Variants in TRAF3 observed in about 807,000 individuals in gnomAD.
TRAF3 encodes the protein TNF receptor associated factor 3.
A neutral mutation model predicts 62.3 loss-of-function variants in TRAF3; 13 were observed. The ratio of observed to expected loss-of-function variants is 0.21; its 90% CI spans 0.14 to 0.33. TRAF3 has a LOEUF of 0.33. Ranked by LOEUF, TRAF3 falls within the 10% of genes least tolerant of loss-of-function variation. The pLI, the probability that TRAF3 is intolerant of heterozygous loss-of-function variation, is 1.00. For synonymous variants in TRAF3, 269 were observed against 283.4 expected, an observed-to-expected ratio of 0.95 and a Z score of 0.51; for missense variants, 440 against 741.8, an observed-to-expected ratio of 0.59 and a Z score of 4.73.
intron 1 of TRAF3, among the ~76,000 whole-genome samples, chr14:102,809,529 C>CTTTTT (rs60882875): frequency 8.7e-6 from 1 of 114,916 alleles, no homozygotes; most frequent in Non-Finnish European, 1.7e-5. Flanking sequence ...ACAGCATAGA[C>CTTTTT]TTTTTTTTTT....
chr14:102,779,800 C>T (rs1897195674), intron 1 of TRAF3, among the ~76,000 whole-genome samples: 1 of 152,244 alleles, frequency 6.6e-6, no homozygotes, highest in African/African-American at 2.4e-5. Flanking sequence ...TTGCCCAACT[C>T]TATTTTCTCA....
At chr14:102,831,618 C>G (rs1457533627) in intron 2 of TRAF3, among the ~76,000 whole-genome samples, 1 of 152,158 alleles carries the variant, frequency 6.6e-6, no homozygotes, top group Non-Finnish European at 1.5e-5. Context: ...TGCCTGCTGC[C>G]CGCTGCCCTT....
chr14:102,858,582 T>C (rs1887512491), intron 2 of TRAF3, among the ~76,000 whole-genome samples: 1 of 152,246 alleles, frequency 6.6e-6, no homozygotes, highest in Non-Finnish European at 1.5e-5. Context: ...CAGTTGTCTG[T>C]GGTTGACAGA....
At chr14:102,838,396 G>GT (rs1886157957) in intron 2 of TRAF3, among the ~76,000 whole-genome samples, 1 of 152,096 alleles carries the variant, frequency 6.6e-6, no homozygotes, top group South Asian at 2.1e-4. Context: ...ATTTCAGGAG[G>GT]TAAGGTCAGT....
intron 1 of TRAF3, among the ~76,000 whole-genome samples, chr14:102,805,476 G>T (rs1211442515): frequency 6.6e-6 from 1 of 152,188 alleles, no homozygotes; most frequent in Non-Finnish European, 1.5e-5. Flanking sequence ...ATTGCAGGAT[G>T]CTGGGAGCCC....
At chr14:102,840,887 C>A (rs1170494745) in intron 2 of TRAF3, among the ~76,000 whole-genome samples, 1 of 152,064 alleles carries the variant, frequency 6.6e-6, no homozygotes, top group East Asian at 1.9e-4. Flanking sequence ...CAAAACAAGC[C>A]CTGCAGTATT....
intron 1 of TRAF3, among the ~76,000 whole-genome samples, chr14:102,819,606 C>G (rs79006901): frequency 1.1e-3 from 172 of 152,362 alleles, no homozygotes; most frequent in African/African-American, 3.5e-3. Context: ...GTGTTACCAT[C>G]TCTGGCCAGT....
chr14:102,794,246 C>T (rs1286762986), intron 1 of TRAF3, among the ~76,000 whole-genome samples: 1 of 152,164 alleles, frequency 6.6e-6, no homozygotes, highest in Non-Finnish European at 1.5e-5. Context: ...ACCATCATAG[C>T]TCACTGCAGC....
chr14:102,890,411 A>G (rs1205240267), intron 8 of TRAF3, among the ~76,000 whole-genome samples: 1 of 152,256 alleles, frequency 6.6e-6, no homozygotes, highest in East Asian at 1.9e-4. Context: ...TTTCTGAGGA[A>G]GAGAACAGCC....
intron 2 of TRAF3, among the ~76,000 whole-genome samples, chr14:102,847,522 A>C (rs1886795661): frequency 6.6e-6 from 1 of 152,164 alleles, no homozygotes; most frequent in African/African-American, 2.4e-5. Flanking sequence ...GTGAGAATTG[A>C]CCAACTATTA....
At chr14:102,809,572 G>T (rs184511605) in intron 1 of TRAF3, among the ~76,000 whole-genome samples, 1,896 of 111,184 alleles carry the variant, frequency 0.017, 18 homozygotes, top group Middle Eastern at 0.062. Flanking sequence ...TTGCTCTGTT[G>T]CCCAGGCTGG....
chr14:102,796,804 G>A (rs529619534), intron 1 of TRAF3, among the ~76,000 whole-genome samples: 43 of 152,282 alleles, frequency 2.8e-4, no homozygotes, highest in Non-Finnish European at 5.1e-4. Flanking sequence ...AAAATGTTAT[G>A]TATATATTTT....
At position 102,826,265 on chromosome 14, in the gene TRAF3, G is replaced by A. The variant is rs1181080318; in HGVS notation, c.-156-4069G>A. ...CCTCAGCATCCTCGTCTGTCTGGTG[G>A]AGCCGCCTCACAGAGGAACAAGTGA... On this transcript the variant is annotated intron_variant, in intron 1 of 11. Coordinates refer to ENST00000392745, the MANE Select transcript of TRAF3 (RefSeq NM_145725.3). The surrounding 1 kb of genome is among the most constrained non-coding windows in gnomAD (Gnocchi z 4.6). Among the ~76,000 whole-genome samples, 3 of 152,114 alleles carry A rather than the reference G, an allele frequency of 2.0e-5. No individual in the cohort carries two copies. The highest frequency in any genetic ancestry group is 4.4e-5 in the Non-Finnish European group (3 of 68,020).
intron 2 of TRAF3, among the ~76,000 whole-genome samples, chr14:102,868,780 A>G (rs1244947748): frequency 6.6e-6 from 1 of 152,088 alleles, no homozygotes; most frequent in Non-Finnish European, 1.5e-5. Flanking sequence ...GCATGGTGTA[A>G]TTTTTACTAA....
intron 9 of TRAF3, among the ~76,000 whole-genome samples, chr14:102,896,437 A>G (rs1435328324): frequency 1.3e-5 from 2 of 152,190 alleles, no homozygotes; most frequent in East Asian, 3.8e-4. Flanking sequence ...TTCAGTTAGC[A>G]TAACATCCTC....
At chr14:102,818,171 C>A (rs1247473065) in intron 1 of TRAF3, among the ~76,000 whole-genome samples, 3 of 152,174 alleles carry the variant, frequency 2.0e-5, no homozygotes, top group Non-Finnish European at 4.4e-5. Context: ...ACAAATACAC[C>A]ATTTGTCTTT....
rs1048510899 is a variant in TRAF3, at chr14:102,836,154, G to T, written c.-18+5682G>T. On this transcript the variant is annotated intron_variant, in intron 2 of 11. Coordinates refer to ENST00000392745, the MANE Select transcript of TRAF3 (RefSeq NM_145725.3). ...GGGCAGAGCCAGTGCCGTGTGCAAG[G>T]TGTACTGCCTGCACACAGCACAGGA... Among the ~76,000 whole-genome samples the T allele has an allele frequency of 2.0e-5, 3 of 152,352 alleles. No individual in the cohort carries two copies. In the East Asian group the frequency reaches 5.8e-4, roughly 29 times the overall value.
chr14:102,903,638 G>A lies in TRAF3; in HGVS notation c.1135+209G>A, dbSNP rs1055948701. On this transcript the variant is annotated intron_variant, in intron 11 of 11. Coordinates refer to ENST00000392745, the MANE Select transcript of TRAF3 (RefSeq NM_145725.3). The surrounding 1 kb of genome is among the most constrained non-coding windows in gnomAD (Gnocchi z 6.4). ...TTTCCCGCGCAGGCTTGTCCCCTCC[G>A]TGTGAGGCCCTACATGGTGTAGAAA... 9 of 747,828 alleles carry A rather than the reference G, an allele frequency of 1.2e-5. No individual in the cohort carries two copies. Among genetic ancestry groups the A allele is most frequent in the Non-Finnish European group, 2.1e-5 (9 of 435,452 alleles). The allele number at this position is 747,828 out of a possible 1,614,324, so 46.3% of individuals were successfully genotyped here. A position where few individuals can be genotyped will look rare whatever the true frequency, so the allele number is the denominator to read the frequency against.
intron 1 of TRAF3, among the ~76,000 whole-genome samples, chr14:102,813,020 G>A (rs1413658191): frequency 6.6e-6 from 1 of 152,118 alleles, no homozygotes; most frequent in Non-Finnish European, 1.5e-5. Context: ...TCTGTCGCCA[G>A]GTTGGAGTGC....
Sources: allele counts gnomAD v4.1 joint callset (sites outside exome capture counted in the v4.1 genomes callset), GRCh38; gene constraint gnomAD v4.1.1; non-coding constraint Gnocchi (gnomAD v3.1); transcripts MANE v1.5; gene names NCBI Gene and HGNC (gene_info 2026-07-23, HGNC 2026-07-21).